XKR6: variants seen among roughly 807,000 people sequenced by gnomAD.
XKR6 encodes XK-related protein 6.
XKR6 carries 22 observed loss-of-function variants against 56.7 expected under a neutral mutation model. The observed-to-expected ratio is 0.39, with a 90% CI of 0.28 to 0.55. The LOEUF is 0.55. Ranked by LOEUF, XKR6 falls within the 20% of genes least tolerant of loss-of-function variation. XKR6 has a pLI of 0.66. For missense variants in XKR6, 852 were observed against 889.0 expected, an observed-to-expected ratio of 0.96 and a Z score of 0.53; for synonymous variants, 524 against 387.8, an observed-to-expected ratio of 1.35 and a Z score of -4.13.
At chr8:10,939,575 G>A (rs1263156597) in intron 1 of XKR6, among the ~76,000 whole-genome samples, 2 of 152,210 alleles carry the variant, frequency 1.3e-5, no homozygotes, top group African/African-American at 2.4e-5. Flanking sequence ...CCCCTCAAGC[G>A]GCTTATTCAG....
chr8:10,966,449 G>A (rs923300470), intron 1 of XKR6, among the ~76,000 whole-genome samples: 2 of 152,022 alleles, frequency 1.3e-5, no homozygotes, highest in Non-Finnish European at 2.9e-5. Context: ...GCAGGCGGGC[G>A]GATCACGAGG....
intron 1 of XKR6, among the ~76,000 whole-genome samples, chr8:11,186,792 C>T (rs1021943615): frequency 1.4e-4 from 21 of 152,160 alleles, no homozygotes; most frequent in African/African-American, 4.8e-4. Context: ...CCAGCCATAC[C>T]ACCCCACGAC....
intron 1 of XKR6, among the ~76,000 whole-genome samples, chr8:11,198,498 A>C (rs1300724581): frequency 6.8e-6 from 1 of 147,316 alleles, no homozygotes; most frequent in Admixed American, 6.7e-5. Flanking sequence ...ATATCAATGC[A>C]GAGGAAAGTT....
chr8:11,090,162 G>T (rs985020638), intron 1 of XKR6, among the ~76,000 whole-genome samples: 1 of 152,182 alleles, frequency 6.6e-6, no homozygotes, highest in Non-Finnish European at 1.5e-5. Context: ...ATAGCTCACT[G>T]CAGTCTCAAA....
intron 1 of XKR6, among the ~76,000 whole-genome samples, chr8:10,962,333 A>G (rs1802088648): frequency 6.6e-6 from 1 of 152,156 alleles, no homozygotes; most frequent in African/African-American, 2.4e-5. Context: ...ACATTTCTGA[A>G]GCCCCTGACT....
At chr8:10,911,540 T>A (rs569104019) in intron 2 of XKR6, among the ~76,000 whole-genome samples, 1 of 144,156 alleles carries the variant, frequency 6.9e-6, no homozygotes, top group South Asian at 2.2e-4. Flanking sequence ...AGGGGGTGAA[T>A]ATATATATAT....
At chr8:11,120,537 G>C (rs1161683238) in intron 1 of XKR6, among the ~76,000 whole-genome samples, 1 of 151,972 alleles carries the variant, frequency 6.6e-6, no homozygotes, top group African/African-American at 2.4e-5. Flanking sequence ...AAATAAAAGA[G>C]GATACAAACA....
intron 1 of XKR6, among the ~76,000 whole-genome samples, chr8:11,135,669 T>C (rs775167600): frequency 1.3e-5 from 2 of 151,576 alleles, no homozygotes; most frequent in Non-Finnish European, 2.9e-5. Flanking sequence ...CATGAAAAAA[T>C]GTCTGAAAAC....
intron 1 of XKR6, among the ~76,000 whole-genome samples, chr8:11,081,074 T>C (rs1262461313): frequency 6.6e-6 from 1 of 152,222 alleles, no homozygotes; most frequent in Non-Finnish European, 1.5e-5. Context: ...TAACTTTAGG[T>C]AGCAGCAACA....
chr8:11,066,223 C>A (rs937838419), intron 1 of XKR6, among the ~76,000 whole-genome samples: 13 of 152,358 alleles, frequency 8.5e-5, no homozygotes, highest in Non-Finnish European at 1.2e-4. Context: ...TCCTGGACAA[C>A]CTTCTCACCC....
chr8:11,165,484 C>A (rs1430667836), intron 1 of XKR6, among the ~76,000 whole-genome samples: 6 of 152,086 alleles, frequency 3.9e-5, no homozygotes, highest in Admixed American at 3.9e-4. Flanking sequence ...CCAGTTTAAA[C>A]CTGGACACAC....
At chr8:11,005,087 G>C (rs1192596216) in intron 1 of XKR6, among the ~76,000 whole-genome samples, 3 of 152,056 alleles carry the variant, frequency 2.0e-5, no homozygotes, top group African/African-American at 7.2e-5. Context: ...ACCACAGATG[G>C]TACAGAACTC....
intron 1 of XKR6, among the ~76,000 whole-genome samples, chr8:10,956,860 C>T (rs531435515): frequency 6.6e-6 from 1 of 152,300 alleles, no homozygotes; most frequent in East Asian, 1.9e-4. Flanking sequence ...CTCTTCTGGG[C>T]TTCAAAACCC....
chr8:10,984,732 C>CTCTCTCTCTATA, intron 1 of XKR6, among the ~76,000 whole-genome samples: 69 of 47,478 alleles, frequency 1.5e-3, no homozygotes, highest in Middle Eastern at 0.016. Flanking sequence ...CTCTCTCTCT[C>CTCTCTCTCTATA]TATATATATA....
chr8:11,050,031 C>CTGCT (rs1297585280), intron 1 of XKR6, among the ~76,000 whole-genome samples: 1 of 152,194 alleles, frequency 6.6e-6, no homozygotes, highest in African/African-American at 2.4e-5. Context: ...CCACTAGGAG[C>CTGCT]TGCTCCCTGG....
intron 1 of XKR6, among the ~76,000 whole-genome samples, chr8:11,196,116 TCTC>T (rs573783420): frequency 1.3e-5 from 2 of 152,012 alleles, no homozygotes; most frequent in African/African-American, 2.4e-5. Flanking sequence ...CACAAACGAA[TCTC>T]CTCATTTGTA....
At chr8:10,970,038 G>C (rs750734220) in intron 1 of XKR6, among the ~76,000 whole-genome samples, 1 of 152,194 alleles carries the variant, frequency 6.6e-6, no homozygotes, top group African/African-American at 2.4e-5. Context: ...CCAAATGCTC[G>C]CCACAGATGG....
chr8:11,016,137 T>C (rs2129147220), intron 1 of XKR6, among the ~76,000 whole-genome samples: 1 of 152,246 alleles, frequency 6.6e-6, no homozygotes, highest in South Asian at 2.1e-4. Flanking sequence ...CATCCCACCG[T>C]GGGGGTGCAG....
At chr8:11,178,994 G>A (rs1483467284) in intron 1 of XKR6, among the ~76,000 whole-genome samples, 1 of 148,278 alleles carries the variant, frequency 6.7e-6, no homozygotes, top group Non-Finnish European at 1.5e-5. Flanking sequence ...AGGCATACAC[G>A]ACCACACCTG....
Sources: allele counts gnomAD v4.1 joint callset (sites outside exome capture counted in the v4.1 genomes callset), GRCh38; gene constraint gnomAD v4.1.1; transcripts MANE v1.5; gene names NCBI Gene and HGNC (gene_info 2026-07-23, HGNC 2026-07-21).